The following PCDHGA4 variants were observed in gnomAD, a reference collection of about 807,000 sequenced individuals.
PCDHGA4 encodes protocadherin gamma subfamily A, 4.
A neutral mutation model predicts 54.6 loss-of-function variants in PCDHGA4; 38 were observed. That is an observed-to-expected ratio of 0.70 (90% confidence interval 0.54 to 0.91). PCDHGA4 has a LOEUF of 0.91. PCDHGA4 is among the 40% of genes least tolerant of loss of function. The probability of loss-of-function intolerance (pLI) is 0.00; values close to 1 mark genes in which losing one functional copy is unlikely to be tolerated. For synonymous variants in PCDHGA4, 511 were observed against 512.9 expected, an observed-to-expected ratio of 1.00 and a Z score of 0.05; for missense variants, 1,298 against 1,220.9, an observed-to-expected ratio of 1.06 and a Z score of -0.94.
chr5:141,424,401 G>A (rs1167861346), intron 1 of PCDHGA4: 1 of 151,844 alleles, frequency 6.6e-6, no homozygotes, highest in Non-Finnish European at 1.5e-5. Flanking sequence ...CCATTACTAT[G>A]GTGAAGTTAC....
intron 1 of PCDHGA4, chr5:141,389,721 G>A (rs1477842058): frequency 2.5e-6 from 4 of 1,612,502 alleles, no homozygotes; most frequent in Non-Finnish European, 1.7e-6. Context: ...TAGCGAGCCC[G>A]GGCTCTTCAG....
chr5:141,366,267 T>A (rs201030376), intron 1 of PCDHGA4: 49 of 1,613,514 alleles, frequency 3.0e-5, no homozygotes, highest in Non-Finnish European at 3.9e-5. Context: ...GTGGTGGCCG[T>A]CGAAGACCAT....
chr5:141,405,005 G>C (rs1358521218), intron 1 of PCDHGA4: 7 of 1,613,830 alleles, frequency 4.3e-6, no homozygotes, highest in African/African-American at 2.7e-5. Context: ...TGCAGACCTG[G>C]AGGCCTCAGA....
chr5:141,497,495 T>C (rs193075970), intron 2 of PCDHGA4, among the ~76,000 whole-genome samples: 28 of 151,186 alleles, frequency 1.9e-4, no homozygotes, highest in Admixed American at 1.7e-3. Context: ...TCTCTCTCTC[T>C]CCTCTCTCTG....
intron 1 of PCDHGA4, chr5:141,404,445 G>GT: frequency 6.2e-7 from 1 of 1,613,280 alleles, no homozygotes; most frequent in Non-Finnish European, 8.5e-7. Context: ...ACCATCCAAG[G>GT]GTCTCCTCTC....
intron 1 of PCDHGA4, chr5:141,385,640 A>G (rs917789862): frequency 1.2e-6 from 1 of 803,664 alleles, no homozygotes; most frequent in South Asian, 4.4e-5. Context: ...CGAGTCTTTC[A>G]TATTGCACAA....
chr5:141,435,838 C>T (rs1037110579), intron 1 of PCDHGA4, among the ~76,000 whole-genome samples: 1 of 152,062 alleles, frequency 6.6e-6, no homozygotes, highest in Non-Finnish European at 1.5e-5. Context: ...TGCCTATCTA[C>T]TTTGAAAGAT....
intron 1 of PCDHGA4, chr5:141,441,396 C>T (rs2098244328): frequency 6.5e-6 from 1 of 154,724 alleles, no homozygotes; most frequent in Admixed American, 6.5e-5. Flanking sequence ...GGTATAACAT[C>T]AGCATCACTG....
rs139211149 is a variant in PCDHGA4, at chr5:141,426,067, G to A, written c.2514+68446G>A. Among the ~76,000 whole-genome samples, 5 of 152,328 alleles carry A rather than the reference G, an allele frequency of 3.3e-5. No individual in the cohort carries two copies. The East Asian group carries it at 9.6e-4, about 29-fold the overall frequency. On this transcript the variant is annotated intron_variant, in intron 1 of 3. Coordinates refer to ENST00000571252, the MANE Select transcript of PCDHGA4 (RefSeq NM_018917.4). Reference sequence around the variant, plus strand: ...TGGCCAATGTGCTGCAAGAACTGGAGCCTGGGATCTACCAGGACGATATTC... The same window carrying A: ...TGGCCAATGTGCTGCAAGAACTGGAACCTGGGATCTACCAGGACGATATTC...
At chr5:141,365,469 G>A in intron 1 of PCDHGA4, 2 of 1,614,010 alleles carry the variant, frequency 1.2e-6, no homozygotes, top group Non-Finnish European at 1.7e-6. Flanking sequence ...GGAGAAAATG[G>A]TGAGATTGCA....
chr5:141,414,992 C>T, intron 1 of PCDHGA4: 2 of 1,613,770 alleles, frequency 1.2e-6, no homozygotes, highest in Non-Finnish European at 1.7e-6. Flanking sequence ...GGCCAGAACG[C>T]CTGGCTGTCC....
chr5:141,366,657 C>T, intron 1 of PCDHGA4: 1 of 1,614,248 alleles, frequency 6.2e-7, no homozygotes. Flanking sequence ...CCCAACTACG[C>T]AGACACGCTC....
intron 1 of PCDHGA4, chr5:141,371,621 C>T: frequency 6.2e-7 from 1 of 1,613,986 alleles, no homozygotes; most frequent in Middle Eastern, 1.6e-4. Flanking sequence ...CAGATGGAGC[C>T]CTGGACCGGG....
At chr5:141,374,343 C>G (rs753543776) in intron 1 of PCDHGA4, 3 of 1,613,872 alleles carry the variant, frequency 1.9e-6, no homozygotes, top group African/African-American at 1.3e-5. Context: ...TTGGTCACCG[C>G]GGGTAGGATA....
In PCDHGA4 at chr5:141,483,413, G is replaced by A. The variant is rs112015754; in HGVS notation, c.2515-11394G>A. 5.9e-4 allele frequency among the ~76,000 whole-genome samples: 90 copies of A among 152,300 alleles called. 1 individual carries two copies. Among genetic ancestry groups the A allele is most frequent in the African/African-American group, 1.7e-3 (69 of 41,584 alleles). ...AAATGCTTGAACCAGCACAGTGGCA[G>A]TACAGATGGAGGGAGCTGACTACAA... On this transcript the variant is annotated intron_variant, in intron 1 of 3. Transcript: ENST00000571252.
intron 1 of PCDHGA4, among the ~76,000 whole-genome samples, chr5:141,447,975 A>G (rs1352829510): frequency 6.6e-6 from 1 of 151,928 alleles, no homozygotes; most frequent in Non-Finnish European, 1.5e-5. Flanking sequence ...AATCCCAGCT[A>G]CTCGGGAGGC....
chr5:141,426,960 A>G, intron 1 of PCDHGA4: 1 of 456,776 alleles, frequency 2.2e-6, no homozygotes, highest in South Asian at 1.5e-5. Context: ...CACTGCTGCA[A>G]TTCAAATTGA....
intron 2 of PCDHGA4, among the ~76,000 whole-genome samples, chr5:141,497,980 G>A (rs983045402): frequency 2.0e-5 from 3 of 152,168 alleles, no homozygotes; most frequent in African/African-American, 7.2e-5. Context: ...GATGTGGGAG[G>A]CCCCTGCCCT....
chr5:141,371,304 A>G (rs745344777), intron 1 of PCDHGA4: 18 of 1,613,870 alleles, frequency 1.1e-5, no homozygotes, highest in East Asian at 4.5e-5. Context: ...ACTCACCACT[A>G]TTGGAGAACT....
Sources: gnomAD v4.1 joint callset for allele counts (sites outside exome capture counted in the v4.1 genomes callset) on GRCh38, gnomAD v4.1.1 for gene constraint, MANE v1.5 for transcripts, NCBI Gene and HGNC (gene_info 2026-07-23, HGNC 2026-07-21) for gene names.